Variants in VSNL1 observed in about 807,000 individuals in gnomAD.
The protein encoded by VSNL1 is visinin-like protein 1.
Under a neutral mutation model 20.4 loss-of-function variants are expected in VSNL1, and 6 were observed. That is an observed-to-expected ratio of 0.29 (90% CI 0.16 to 0.58). The LOEUF (loss-of-function observed/expected upper bound fraction) is 0.58, where lower values mean the gene tolerates loss of function less well. VSNL1 is among the 20% of genes least tolerant of loss of function. The pLI, the probability that VSNL1 is intolerant of heterozygous loss-of-function variation, is 0.90. For missense variants in VSNL1, 100 were observed against 234.5 expected, an observed-to-expected ratio of 0.43 and a Z score of 3.75; for synonymous variants, 93 against 86.4, an observed-to-expected ratio of 1.08 and a Z score of -0.42.
At chr2:17,622,852 C>G (rs1176295238) in intron 2 of VSNL1, among the ~76,000 whole-genome samples, 1 of 152,194 alleles carries the variant, frequency 6.6e-6, no homozygotes, top group Admixed American at 6.5e-5. Flanking sequence ...CAGGAGAGGC[C>G]AGGCTCCTCC....
In VSNL1 at chr2:17,622,576, G is replaced by GAAAGAAAGAAAGAAAGAAAGAAAGA. The variant is rs1665402085; in HGVS notation, c.163-26820_163-26796dup. Among the ~76,000 whole-genome samples, 4 of 123,882 alleles carry GAAAGAAAGAAAGAAAGAAAGAAAGA rather than the reference G, an allele frequency of 3.2e-5. No homozygotes were observed. The East Asian group carries it at 9.2e-4, about 28-fold the overall frequency. 81.3% of individuals were successfully genotyped at this position (123,882 alleles called of 152,430 possible). ...AGAAAGAAAGAAAGAAAGAAAGAAA[G>GAAAGAAAGAAAGAAAGAAAGAAAGA]AAAGAAAGAAAGAAAGAAAGAAAGA... is the stretch of plus-strand genomic sequence containing the variant. On this transcript the variant is annotated intron_variant, in intron 2 of 3. Transcript: ENST00000295156.
chr2:17,650,364 A>G (rs1178496140), intron 3 of VSNL1, among the ~76,000 whole-genome samples: 1 of 152,230 alleles, frequency 6.6e-6, no homozygotes, highest in Non-Finnish European at 1.5e-5. Context: ...TCCCTGCCCC[A>G]GATTAACTTG....
intron 2 of VSNL1, among the ~76,000 whole-genome samples, chr2:17,607,300 C>T (rs774122147): frequency 1.3e-5 from 2 of 152,182 alleles, no homozygotes; most frequent in Non-Finnish European, 2.9e-5. Flanking sequence ...GTAATCCCTG[C>T]TCTACCACCT....
chr2:17,602,404 G>A (rs1206667069), intron 2 of VSNL1, among the ~76,000 whole-genome samples: 1 of 152,162 alleles, frequency 6.6e-6, no homozygotes, highest in Non-Finnish European at 1.5e-5. Context: ...CTGGGGGAGT[G>A]ATAGACAGAT....
intron 1 of VSNL1, among the ~76,000 whole-genome samples, chr2:17,566,245 A>G (rs927794671): frequency 1.3e-5 from 2 of 152,134 alleles, no homozygotes; most frequent in Non-Finnish European, 2.9e-5. Context: ...CTTCTTGTAT[A>G]TATATGTGAG....
chr2:17,544,435 T>C (rs894547114), intron 1 of VSNL1, among the ~76,000 whole-genome samples: 1 of 152,192 alleles, frequency 6.6e-6, no homozygotes, highest in Non-Finnish European at 1.5e-5. Context: ...TTGTAGTTGC[T>C]AAGTGCCCCG....
At chr2:17,550,838 C>G (rs1558278768) in intron 1 of VSNL1, among the ~76,000 whole-genome samples, 1 of 152,178 alleles carries the variant, frequency 6.6e-6, no homozygotes, top group Non-Finnish European at 1.5e-5. Flanking sequence ...GATATCCTAA[C>G]CCAGTCATCC....
At position 17,604,131 on chromosome 2, in the gene VSNL1, G is replaced by C. The variant is rs149288947; in HGVS notation, c.162+11895G>C. On this transcript the variant is annotated intron_variant, in intron 2 of 3. Transcript: ENST00000295156. The stretch of plus-strand genomic sequence containing the variant: ...CTTGGGAGCTCAAAGAACAGGAAGG[G>C]AGAGAGCAGGTTGAGGGCGTCCAGC... 3.9e-5 allele frequency among the ~76,000 whole-genome samples: 6 copies of C among 152,352 alleles called. No individual in the cohort carries two copies. The East Asian group carries it at 1.2e-3, about 29-fold the overall frequency.
At position 17,634,056 on chromosome 2, in the gene VSNL1, G is replaced by A. The variant is rs1298133486; in HGVS notation, c.163-15354G>A. On this transcript the variant is annotated intron_variant, in intron 2 of 3. Transcript: ENST00000295156. The surrounding 1 kb of genome is among the most constrained non-coding windows in gnomAD (Gnocchi z 4.3). Reference sequence around the variant, plus strand: ...AGCTGGAGAGGTTTGCAGGACCCAAGTCGAAAAGGGCCTTGTGGGACTGGA... The same window carrying A: ...AGCTGGAGAGGTTTGCAGGACCCAAATCGAAAAGGGCCTTGTGGGACTGGA... 6.6e-6 allele frequency among the ~76,000 whole-genome samples: 1 copy of A among 152,174 alleles called. No individual in the cohort carries two copies. The highest frequency in any genetic ancestry group is 1.5e-5 in the Non-Finnish European group (1 of 68,032).
At chr2:17,579,791 G>A (rs929759782) in intron 1 of VSNL1, among the ~76,000 whole-genome samples, 6 of 152,144 alleles carry the variant, frequency 3.9e-5, no homozygotes, top group Non-Finnish European at 8.8e-5. Flanking sequence ...ACCTCCTGTG[G>A]TGCTTTCAGT....
chr2:17,586,497 CCT>C (rs1482693617), intron 1 of VSNL1, among the ~76,000 whole-genome samples: 1 of 152,142 alleles, frequency 6.6e-6, no homozygotes, highest in African/African-American at 2.4e-5. Flanking sequence ...GTTTGTCTAT[CCT>C]CTGTGTTATG....
At chr2:17,601,133 C>A (rs981194110) in intron 2 of VSNL1, among the ~76,000 whole-genome samples, 8 of 152,136 alleles carry the variant, frequency 5.3e-5, no homozygotes, top group African/African-American at 1.9e-4. Flanking sequence ...GAAGGAATTG[C>A]TCTTAGATGG....
At chr2:17,555,330 G>T in intron 1 of VSNL1, among the ~76,000 whole-genome samples, 1 of 152,090 alleles carries the variant, frequency 6.6e-6, no homozygotes. Flanking sequence ...TTGCCCAAAA[G>T]TCCATTATTT....
rs776457874 is a variant in VSNL1 at position 17,604,786 on chromosome 2, A to C, written c.162+12550A>C. On this transcript the variant is annotated intron_variant, in intron 2 of 3. Transcript: ENST00000295156. ...TCACAGTGTTTTTAGGGACCAGTGC[A>C]AGATGGTTGTTGTCCTATGTTTGTT... Among the ~76,000 whole-genome samples, 78 of 152,202 alleles carry C rather than the reference A, an allele frequency of 5.1e-4. 1 individual carries two copies. Among genetic ancestry groups the C allele is most frequent in the Non-Finnish European group, 9.9e-4 (67 of 68,010 alleles).
intron 1 of VSNL1, among the ~76,000 whole-genome samples, chr2:17,555,495 C>T (rs184536488): frequency 3.9e-5 from 6 of 152,236 alleles, no homozygotes; most frequent in Admixed American, 1.3e-4. Context: ...TCATAAATAT[C>T]ATCTTCATCA....
In VSNL1 at chr2:17,551,274, C is replaced by G. The variant is rs142649526; in HGVS notation, c.-6+10356C>G. On this transcript the variant is annotated intron_variant, in intron 1 of 3. Transcript: ENST00000295156. ...TAATACAAGAGGGAAGCCAGCAGGA[C>G]AAAAGAACGTATTACCCCCTCTCCC... 3.8e-3 allele frequency among the ~76,000 whole-genome samples: 572 copies of G among 152,254 alleles called. 4 individuals carry two copies. Among genetic ancestry groups the G allele is most frequent in the African/African-American group, 0.013 (536 of 41,538 alleles).
chr2:17,655,455 T>A lies in VSNL1; in HGVS notation c.*61T>A, dbSNP rs867797511. On this transcript the variant is annotated 3_prime_UTR_variant, in exon 4 of 4. Coordinates refer to ENST00000295156, the MANE Select transcript of VSNL1 (RefSeq NM_003385.5). The surrounding 1 kb of genome is among the most constrained non-coding windows in gnomAD (Gnocchi z 5.2). ...AATGTTCCATTCAGTCTGCAGCTAT[T>A]CACACACACACACACACACACACAC... 480 of 537,518 alleles carry A rather than the reference T, an allele frequency of 8.9e-4. 1 individual carries two copies. The Middle Eastern group carries it at 0.015, about 17-fold the overall frequency. The allele number at this position is 537,518 out of a possible 1,614,324, so 33.3% of individuals were successfully genotyped here. A position where few individuals can be genotyped will look rare whatever the true frequency, so the allele number is the denominator to read the frequency against.
At chr2:17,578,090 A>G (rs1664259690) in intron 1 of VSNL1, among the ~76,000 whole-genome samples, 1 of 152,256 alleles carries the variant, frequency 6.6e-6, no homozygotes, top group Non-Finnish European at 1.5e-5. Flanking sequence ...TATCGGTCAT[A>G]TAGATTTATT....
At chr2:17,576,132 G>C (rs1205522547) in intron 1 of VSNL1, among the ~76,000 whole-genome samples, 2 of 152,148 alleles carry the variant, frequency 1.3e-5, no homozygotes, top group Admixed American at 6.5e-5. Context: ...TAAGCAGCAA[G>C]AGAGGAAAAC....
Sources: gnomAD v4.1 joint callset for allele counts (sites outside exome capture counted in the v4.1 genomes callset) on GRCh38, gnomAD v4.1.1 for gene constraint, Gnocchi (gnomAD v3.1) non-coding constraint, MANE v1.5 for transcripts, NCBI Gene and HGNC (gene_info 2026-07-23, HGNC 2026-07-21) for gene names.